Variants in RFTN2 observed in about 807,000 individuals in gnomAD.
RFTN2 encodes raftlin family member 2.
RFTN2 carries 34 observed loss-of-function variants against 52.7 expected under a neutral mutation model. That is an observed-to-expected ratio of 0.64 (90% CI 0.49 to 0.86). The LOEUF (loss-of-function observed/expected upper bound fraction) is 0.86. Among genes scored for constraint, RFTN2 ranks in the 40% least tolerant of loss-of-function variants. The pLI is 0.00. For synonymous variants in RFTN2, 203 were observed against 217.7 expected, an observed-to-expected ratio of 0.93 and a Z score of 0.59; for missense variants, 536 against 600.1, an observed-to-expected ratio of 0.89 and a Z score of 1.12.
chr2:197,596,223 A>G (rs2087792909), intron 7 of RFTN2, among the ~76,000 whole-genome samples, 154 bp from the exon 8 acceptor site: 1 of 152,236 alleles, frequency 6.6e-6, no homozygotes, highest in Admixed American at 6.5e-5. Flanking sequence ...AGTGATGGAA[A>G]GAATGTAAAA....
intron 3 of RFTN2, among the ~76,000 whole-genome samples, chr2:197,637,888 T>C (rs2088595475): frequency 6.6e-6 from 1 of 152,102 alleles, no homozygotes; most frequent in African/African-American, 2.4e-5. Flanking sequence ...TGCTGTAAAT[T>C]TCCCTCTACA....
Position 197,633,752 on chromosome 2 carries a change from G to T in RFTN2, c.684C>A (p.Gly228=). The stretch of plus-strand genomic sequence containing the variant: ...TTCTTGATTTAGAGGAAGTAGGGCT[G>T]CCATTTTGTTCCATTTGATACTGTC... ...ESGQYQMEQN[G]SPTSSKSRKG... Residue 228 remains glycine (G), a synonymous_variant, in exon 4 of 9, where the codon GGC becomes GGA. Transcript: ENST00000295049. 1.2e-6 allele frequency: 2 copies of T among 1,613,488 alleles called. No individual in the cohort carries two copies. Among genetic ancestry groups the T allele is most frequent in the Non-Finnish European group, 1.7e-6 (2 of 1,179,592 alleles).
intron 1 of RFTN2, among the ~76,000 whole-genome samples, chr2:197,674,339 CAAAAAAA>C (rs1222944678): frequency 2.3e-3 from 80 of 34,250 alleles, no homozygotes; most frequent in African/African-American, 8.9e-3. Flanking sequence ...TAGAGCAAAG[CAAAAAAA>C]AAAAAAAAAA....
intron 3 of RFTN2, among the ~76,000 whole-genome samples, chr2:197,634,832 C>A (rs191886967): frequency 0.011 from 1,741 of 151,448 alleles, 28 homozygotes; most frequent in African/African-American, 0.04. Context: ...GTGCGCTGCA[C>A]CCCCTAACTT....
chr2:197,640,375 G>T (rs1299024043), intron 3 of RFTN2, among the ~76,000 whole-genome samples: 2 of 152,246 alleles, frequency 1.3e-5, no homozygotes, highest in African/African-American at 2.4e-5. Flanking sequence ...TGCTGTGCTA[G>T]CAATCAGCGA....
intron 8 of RFTN2, among the ~76,000 whole-genome samples, chr2:197,590,719 T>C (rs964499262): frequency 5.3e-5 from 8 of 152,026 alleles, no homozygotes; most frequent in African/African-American, 1.9e-4. Flanking sequence ...GGTTCAGGAA[T>C]GAACCCGCAG....
In RFTN2 at chr2:197,636,056, G is replaced by A. The variant is rs541286442; in HGVS notation, c.439-2059C>T. On this transcript the variant is annotated intron_variant, in intron 3 of 8. Transcript: ENST00000295049. ...AAAGATCAGATAGTTGTAGATATGCGGCGTTATTTCTGAGGGCTCTGTTCT... is the reference window on the plus strand; with the variant it reads ...AAAGATCAGATAGTTGTAGATATGCAGCGTTATTTCTGAGGGCTCTGTTCT... Among the ~76,000 whole-genome samples the A allele has an allele frequency of 5.2e-3, 778 of 149,322 alleles. 3 individuals are homozygous for A. Among genetic ancestry groups the A allele is most frequent in the Non-Finnish European group, 7.5e-3 (506 of 67,192 alleles).
At chr2:197,626,925 T>C (rs1304931206) in intron 5 of RFTN2, among the ~76,000 whole-genome samples, 1 of 152,168 alleles carries the variant, frequency 6.6e-6, no homozygotes, top group Non-Finnish European at 1.5e-5. Flanking sequence ...GCCATAATCA[T>C]CTTTACCTCA....
intron 3 of RFTN2, among the ~76,000 whole-genome samples, chr2:197,636,225 C>CT (rs1176735579): frequency 1.3e-5 from 2 of 150,654 alleles, no homozygotes; most frequent in African/African-American, 4.9e-5. Flanking sequence ...GACGCGGGCT[C>CT]TTTTTTGGTT....
intron 8 of RFTN2, among the ~76,000 whole-genome samples, chr2:197,592,441 C>T (rs571133761): frequency 2.2e-4 from 34 of 152,294 alleles, no homozygotes; most frequent in Middle Eastern, 3.4e-3. Flanking sequence ...ATGATCCGCC[C>T]GCCTTGGCCT....
At chr2:197,674,339 CAAAAAAAAAAAAAA>C (rs1222944678) in intron 1 of RFTN2, among the ~76,000 whole-genome samples, 2 of 34,266 alleles carry the variant, frequency 5.8e-5, no homozygotes, top group Non-Finnish European at 9.7e-5. Context: ...TAGAGCAAAG[CAAAAAAAAAAAAAA>C]AAAAAAAAAA....
At chr2:197,615,783 G>A in intron 7 of RFTN2, 93 bp downstream of exon 7, 1 of 675,840 alleles carries the variant, frequency 1.5e-6, no homozygotes, top group Non-Finnish European at 2.6e-6. Flanking sequence ...TTTTCTGTAG[G>A]CATTAAACAA....
At chr2:197,669,426 T>C (rs1455233952) in intron 1 of RFTN2, among the ~76,000 whole-genome samples, 4 of 151,732 alleles carry the variant, frequency 2.6e-5, no homozygotes, top group African/African-American at 9.7e-5. Flanking sequence ...AAATGTAACA[T>C]ATAAAAGAAA....
chr2:197,640,481 G>A (rs1272296851), intron 3 of RFTN2, among the ~76,000 whole-genome samples: 1 of 152,260 alleles, frequency 6.6e-6, no homozygotes, highest in African/African-American at 2.4e-5. Context: ...ATATTCGGGT[G>A]GGAGTGACCC....
At chr2:197,623,016 G>A (rs938188370) in intron 5 of RFTN2, among the ~76,000 whole-genome samples, 2 of 152,208 alleles carry the variant, frequency 1.3e-5, no homozygotes, top group Admixed American at 1.3e-4. Flanking sequence ...TATACAAGAA[G>A]ATTAATGTTT....
intron 5 of RFTN2, 104 bp downstream of exon 5, chr2:197,630,906 TA>T: frequency 1.3e-6 from 1 of 751,462 alleles, no homozygotes. Context: ...TTAGGAATGG[TA>T]TCTGTCCTTT....
At chr2:197,639,754 T>C (rs548601184) in intron 3 of RFTN2, among the ~76,000 whole-genome samples, 3,170 of 141,956 alleles carry the variant, frequency 0.022, 105 homozygotes, top group African/African-American at 0.081. Context: ...AAAGTCATTC[T>C]CCATCCAGCT....
At chr2:197,619,346 G>A (rs2088216319) in intron 5 of RFTN2, among the ~76,000 whole-genome samples, 1 of 152,280 alleles carries the variant, frequency 6.6e-6, no homozygotes, top group East Asian at 1.9e-4. Context: ...TGGTTGCCGT[G>A]TCTGTGTAGA....
At chr2:197,576,860 G>A (rs1419945299) in intron 8 of RFTN2, among the ~76,000 whole-genome samples, 1 of 152,142 alleles carries the variant, frequency 6.6e-6, no homozygotes, top group Non-Finnish European at 1.5e-5. Flanking sequence ...AAGGGAAAAA[G>A]TTGTGAAAGG....
Sources: allele counts gnomAD v4.1 joint callset (sites outside exome capture counted in the v4.1 genomes callset), GRCh38; gene constraint gnomAD v4.1.1; transcripts MANE v1.5; gene names NCBI Gene and HGNC (gene_info 2026-07-23, HGNC 2026-07-21).